UBXN2A: variants seen among roughly 807,000 people sequenced by gnomAD.
The protein encoded by UBXN2A is UBX domain-containing protein 2A.
UBXN2A carries 28 observed loss-of-function variants against 28.4 expected under a neutral mutation model. The observed-to-expected ratio is 0.99, with a 90% CI of 0.73 to 1.35. The LOEUF (loss-of-function observed/expected upper bound fraction) is 1.35, where lower values mean the gene tolerates loss of function less well. Among genes scored for constraint, UBXN2A ranks in the 40% most tolerant of loss-of-function variants. The pLI, the probability that UBXN2A is intolerant of heterozygous loss-of-function variation, is 0.00. For missense variants in UBXN2A, 253 were observed against 297.9 expected (o/e 0.85, Z 1.11); for synonymous variants, 97 against 103.6 (o/e 0.94, Z 0.39).
intron 2 of UBXN2A, among the ~76,000 whole-genome samples, chr2:23,968,689 A>C (rs1356276868): frequency 6.6e-6 from 1 of 151,424 alleles, no homozygotes; most frequent in African/African-American, 2.4e-5. Flanking sequence ...AAAAAAAAAA[A>C]CAGTATCTAA....
At chr2:23,982,173 C>G (rs948219972) in intron 4 of UBXN2A, among the ~76,000 whole-genome samples, 4 of 148,944 alleles carry the variant, frequency 2.7e-5, no homozygotes, top group Non-Finnish European at 6.0e-5. Flanking sequence ...TCCTGGCTAA[C>G]ACGATGAAAC....
chr2:23,996,971 G>A (rs1488805088), intron 6 of UBXN2A: 1 of 152,060 alleles, frequency 6.6e-6, no homozygotes, highest in Non-Finnish European at 1.5e-5. Context: ...CAAAGTTACT[G>A]CGAGCACCTG....
intron 3 of UBXN2A, among the ~76,000 whole-genome samples, chr2:23,972,124 A>G (rs1707447811): frequency 6.6e-6 from 1 of 152,032 alleles, no homozygotes; most frequent in African/African-American, 2.4e-5. Flanking sequence ...GGTAAGGTAA[A>G]AAAATAACTG....
At position 23,982,228 on chromosome 2, in the gene UBXN2A, G is replaced by A. The variant is rs954400407; in HGVS notation, c.288-668G>A. Reference sequence around the variant, plus strand: ...CCAAAAAAAAAAAAATTAACTGGGCGTGGTGGCAGGCGCCTGTAGTCCCAG... The same window carrying A: ...CCAAAAAAAAAAAAATTAACTGGGCATGGTGGCAGGCGCCTGTAGTCCCAG... On this transcript the variant is annotated intron_variant, in intron 4 of 6. Transcript: ENST00000309033. Among the ~76,000 whole-genome samples the A allele has an allele frequency of 9.9e-5, 15 of 151,638 alleles. 1 individual carries two copies. In the South Asian group the frequency reaches 1.2e-3, roughly 13 times the overall value.
rs766770822 is a variant in UBXN2A at position 24,001,885 on chromosome 2, C to A, written c.*2018C>A. 6.6e-6 allele frequency: 1 copy of A among 151,802 alleles called. No individual in the cohort carries two copies. Among genetic ancestry groups the A allele is most frequent in the African/African-American group, 2.4e-5 (1 of 41,278 alleles). 9.4% of individuals were successfully genotyped at this position (151,802 alleles called of 1,614,324 possible). A position where few individuals can be genotyped will look rare whatever the true frequency, so the allele number is the denominator to read the frequency against. ...CTGAGGGAGGAGAATGGCTTGAACCCGGGAGGTGGAGGTTTCAGTGAGCCG... is the reference window on the plus strand; with the variant it reads ...CTGAGGGAGGAGAATGGCTTGAACCAGGGAGGTGGAGGTTTCAGTGAGCCG... On this transcript the variant is annotated 3_prime_UTR_variant, in exon 7 of 7. Coordinates refer to ENST00000309033, the MANE Select transcript of UBXN2A (RefSeq NM_181713.4).
intron 2 of UBXN2A, among the ~76,000 whole-genome samples, chr2:23,961,274 T>G (rs1706895454): frequency 6.6e-6 from 1 of 151,450 alleles, no homozygotes; most frequent in Non-Finnish European, 1.5e-5. Context: ...TTTTGTATTT[T>G]TAGTAGAGAT....
chr2:23,976,116 C>T (rs1389527475), intron 3 of UBXN2A, among the ~76,000 whole-genome samples: 2 of 152,188 alleles, frequency 1.3e-5, no homozygotes, highest in Admixed American at 6.5e-5. Context: ...CAGATCACCT[C>T]TTCCCATTCT....
chr2:23,980,907 A>G (rs1707865499), intron 4 of UBXN2A, among the ~76,000 whole-genome samples: 2 of 152,084 alleles, frequency 1.3e-5, no homozygotes, highest in Non-Finnish European at 2.9e-5. Context: ...GATTACAGGC[A>G]TGAGCCACCG....
exon 1 of UBXN2A, chr2:23,927,572 G>T (rs1705088767): frequency 1.4e-5 from 2 of 143,208 alleles, no homozygotes; most frequent in South Asian, 4.8e-4. Context: ...GAGAATGACA[G>T]CTGTGATAAA....
rs1708744580 is a variant in UBXN2A at position 24,002,692 on chromosome 2, G to A, written c.*2825G>A. 6.6e-6 allele frequency: 1 copy of A among 152,158 alleles called. No homozygotes were observed. Among genetic ancestry groups the A allele is most frequent in the Non-Finnish European group, 1.5e-5 (1 of 68,046 alleles). The allele number at this position is 152,158 out of a possible 1,614,324, so 9.4% of individuals were successfully genotyped here. ...CCCAAAGTGCTAGGATTATAGGCGT[G>A]AGCCACTGTGCCCAGCCAATAATAA... On this transcript the variant is annotated 3_prime_UTR_variant, in exon 7 of 7. Coordinates refer to ENST00000309033, the MANE Select transcript of UBXN2A (RefSeq NM_181713.4).
At chr2:23,976,872 C>T in intron 3 of UBXN2A, 97 bp from the exon 4 acceptor site, 1 of 974,560 alleles carries the variant, frequency 1.0e-6, no homozygotes, top group Non-Finnish European at 1.5e-6. Context: ...TGAACCACCC[C>T]ACCCGGCCTG....
rs1234203398 is a variant in UBXN2A, at chr2:23,999,820, C to T, written c.733C>T (p.Gln245Ter). Residue 245 changes from glutamine to a stop codon, truncating the protein, a stop_gained, in exon 7 of 7, where the codon CAG (glutamine) becomes TAG (stop). Transcript: ENST00000309033. LOFTEE classifies it high-confidence loss of function. ...AGATTTACAGAATGCTGTCATCATT[C>T]AGAGACTCCAAAAAACTGCATCTTT... is the stretch of plus-strand genomic sequence containing the variant. ...EADLQNAVII[Q>*]RLQKTASFRE... 3 of 1,613,528 alleles carry T rather than the reference C, an allele frequency of 1.9e-6. No homozygotes were observed. The Admixed American group carries it at 5.0e-5, about 27-fold the overall frequency.
intron 2 of UBXN2A, among the ~76,000 whole-genome samples, chr2:23,967,561 A>G (rs938046767): frequency 2.0e-5 from 3 of 152,188 alleles, no homozygotes; most frequent in African/African-American, 7.2e-5. Context: ...TGGTATCTGT[A>G]TTTCACAGAT....
At chr2:23,996,320 G>T (rs182829731) in intron 6 of UBXN2A, among the ~76,000 whole-genome samples, 17 of 152,042 alleles carry the variant, frequency 1.1e-4, no homozygotes, top group Admixed American at 5.2e-4. Context: ...GTCTGCCTCA[G>T]CCTCCTAAAG....
At chr2:23,978,699 T>TA (rs1307658939) in intron 4 of UBXN2A, among the ~76,000 whole-genome samples, 1 of 147,050 alleles carries the variant, frequency 6.8e-6, no homozygotes, top group Non-Finnish European at 1.5e-5. Context: ...CACGGGGGCT[T>TA]ACGCCTGTAA....
At position 23,969,589 on chromosome 2, in the gene UBXN2A, T is replaced by C. The variant is rs375321774; in HGVS notation, c.42-1687T>C. Among the ~76,000 whole-genome samples, 15 of 152,188 alleles carry C rather than the reference T, an allele frequency of 9.9e-5. No individual in the cohort carries two copies. In the East Asian group the frequency reaches 2.5e-3, roughly 26 times the overall value. On this transcript the variant is annotated intron_variant, in intron 2 of 6. Coordinates refer to ENST00000309033, the MANE Select transcript of UBXN2A (RefSeq NM_181713.4). ...CGTTGGCCAGAATGGTCTCAATCTC[T>C]TGACTTCATGATCCTCCCGCCTTGG...
At position 23,943,803 on chromosome 2, in the gene UBXN2A, A is replaced by C. The variant is rs139928787; in HGVS notation, c.-15+3155A>C. The C allele has an allele frequency of 1.0e-4, 28 of 279,648 alleles. No individual in the cohort carries two copies. The East Asian group carries it at 2.3e-3, about 22-fold the overall frequency. 17.3% of individuals were successfully genotyped at this position (279,648 alleles called of 1,614,324 possible). ...ACCGTGCCCAGCTAAAGGAGATTAT[A>C]TTTAAAATGAGCTTTGCATTTCCGT... On this transcript the variant is annotated intron_variant, in intron 1 of 6. Coordinates refer to ENST00000309033, the MANE Select transcript of UBXN2A (RefSeq NM_181713.4).
intron 6 of UBXN2A, among the ~76,000 whole-genome samples, chr2:23,991,021 C>G (rs1039084677): frequency 6.6e-6 from 1 of 152,136 alleles, no homozygotes; most frequent in East Asian, 1.9e-4. Flanking sequence ...ATATGGGCCA[C>G]CACAACTCCC....
chr2:23,977,076 G>A lies in UBXN2A; in HGVS notation c.287+1G>A, dbSNP rs1468626485. 1.9e-6 allele frequency: 3 copies of A among 1,610,406 alleles called. No individual in the cohort carries two copies. Among genetic ancestry groups the A allele is most frequent in the Non-Finnish European group, 2.5e-6 (3 of 1,177,146 alleles). ...AGTTTTTGAACTCCATCAAAAAGGG[G>A]TGAGTAGCCAGGTGTGGTAGGTCAA... On this transcript the variant is annotated splice_donor_variant, in intron 4 of 6. Coordinates refer to ENST00000309033, the MANE Select transcript of UBXN2A (RefSeq NM_181713.4). LOFTEE classifies it high-confidence loss of function.
Sources: allele counts gnomAD v4.1 joint callset (sites outside exome capture counted in the v4.1 genomes callset), GRCh38; gene constraint gnomAD v4.1.1; transcripts MANE v1.5; gene names NCBI Gene and HGNC (gene_info 2026-07-23, HGNC 2026-07-21).